Variants in CFAP299 observed in about 807,000 individuals in gnomAD.
CFAP299 encodes cilia- and flagella-associated protein 299.
A neutral mutation model predicts 27.0 loss-of-function variants in CFAP299; 21 were observed. The observed-to-expected ratio is 0.78, with a 90% CI of 0.55 to 1.12. CFAP299 has a LOEUF of 1.12. Among genes scored for constraint, CFAP299 ranks in the 50% most tolerant of loss-of-function variants. The probability of loss-of-function intolerance (pLI) is 0.00; values close to 1 mark genes in which losing one functional copy is unlikely to be tolerated. For missense variants in CFAP299, 310 were observed against 276.6 expected (o/e 1.12, Z -0.86); for synonymous variants, 104 against 98.1 (o/e 1.06, Z -0.36).
intron 2 of CFAP299, among the ~76,000 whole-genome samples, chr4:80,419,894 A>G (rs1727210438): frequency 6.6e-6 from 1 of 152,180 alleles, no homozygotes; most frequent in Non-Finnish European, 1.5e-5. Flanking sequence ...TTGCCCTCTG[A>G]AAGTTTGCTG....
chr4:80,686,863 C>T (rs572953932), intron 3 of CFAP299, among the ~76,000 whole-genome samples: 1 of 152,292 alleles, frequency 6.6e-6, no homozygotes, highest in South Asian at 2.1e-4. Context: ...CCTTCCTTTA[C>T]ACTTCCAGCT....
At chr4:80,375,381 C>T (rs1724353879) in intron 2 of CFAP299, among the ~76,000 whole-genome samples, 1 of 152,180 alleles carries the variant, frequency 6.6e-6, no homozygotes, top group South Asian at 2.1e-4. Context: ...CCTTGAATGG[C>T]ATGGCATCCC....
At chr4:80,940,964 A>G (rs906653583) in intron 4 of CFAP299, among the ~76,000 whole-genome samples, 17 of 152,188 alleles carry the variant, frequency 1.1e-4, no homozygotes, top group African/African-American at 4.1e-4. Context: ...CAGAATATAC[A>G]GTTTTCCCTT....
chr4:80,569,894 G>A (rs569405068), intron 2 of CFAP299, among the ~76,000 whole-genome samples: 3 of 151,960 alleles, frequency 2.0e-5, no homozygotes, highest in African/African-American at 7.2e-5. Context: ...TTTACAAATT[G>A]GAAATTCAAA....
In CFAP299 at chr4:80,876,816, T is replaced by A. The variant is rs377561729; in HGVS notation, c.476+6681T>A. Among the ~76,000 whole-genome samples the A allele has an allele frequency of 5.9e-5, 9 of 152,272 alleles. No homozygotes were observed. The South Asian group carries it at 1.9e-3, about 32-fold the overall frequency. On this transcript the variant is annotated intron_variant, in intron 4 of 5. Transcript: ENST00000358105. Reference sequence around the variant, plus strand: ...CCCAATCCTTCCCAGGTCATATTTTTTTTTGTCAGAAGTGTGTCTCCTGTG... The same window carrying A: ...CCCAATCCTTCCCAGGTCATATTTTATTTTGTCAGAAGTGTGTCTCCTGTG...
chr4:80,609,832 A>G (rs1038601022), intron 3 of CFAP299, among the ~76,000 whole-genome samples: 91 of 152,138 alleles, frequency 6.0e-4, no homozygotes, highest in African/African-American at 2.0e-3. Context: ...TGTGCCTACT[A>G]ATGAATTTTG....
intron 3 of CFAP299, among the ~76,000 whole-genome samples, chr4:80,659,552 A>C (rs1740728499): frequency 6.6e-6 from 1 of 152,076 alleles, no homozygotes; most frequent in African/African-American, 2.4e-5. Context: ...AATCTAATAA[A>C]TAATCAAGTA....
intron 5 of CFAP299, among the ~76,000 whole-genome samples, chr4:80,958,557 G>A (rs1738179886): frequency 6.6e-6 from 1 of 152,130 alleles, no homozygotes. Context: ...ATGGGTTACA[G>A]ATTTCTTAAG....
chr4:80,577,702 A>G (rs1422027515), intron 2 of CFAP299, among the ~76,000 whole-genome samples: 2 of 152,126 alleles, frequency 1.3e-5, no homozygotes, highest in Non-Finnish European at 2.9e-5. Flanking sequence ...CGCCCGACCT[A>G]GAAAACATCT....
intron 3 of CFAP299, among the ~76,000 whole-genome samples, chr4:80,776,684 A>G (rs190752563): frequency 6.6e-6 from 1 of 152,210 alleles, no homozygotes. Context: ...GCAAACCACC[A>G]TGGCACATGT....
intron 3 of CFAP299, among the ~76,000 whole-genome samples, chr4:80,766,575 C>A (rs547187780): frequency 3.3e-5 from 5 of 152,242 alleles, no homozygotes; most frequent in South Asian, 4.2e-4. Context: ...GAATATTATT[C>A]TTCTTTTACA....
At chr4:80,538,598 A>G (rs1733857725) in intron 2 of CFAP299, among the ~76,000 whole-genome samples, 1 of 151,844 alleles carries the variant, frequency 6.6e-6, no homozygotes, top group Admixed American at 6.6e-5. Context: ...TACCTTTTAT[A>G]AGTTTAGATA....
At chr4:80,864,004 G>A (rs1475211686) in intron 3 of CFAP299, among the ~76,000 whole-genome samples, 1 of 152,018 alleles carries the variant, frequency 6.6e-6, no homozygotes, top group African/African-American at 2.4e-5. Context: ...GTGATTGCCT[G>A]GGGCTGGGGG....
chr4:80,726,236 AC>A lies in CFAP299; in HGVS notation c.333+143055del, dbSNP rs1219331868. Among the ~76,000 whole-genome samples the A allele has an allele frequency of 2.0e-5, 3 of 152,240 alleles. No homozygotes were observed. The East Asian group carries it at 5.8e-4, about 29-fold the overall frequency. ...GAGTGTGTTCATGCTGTCATATTTG[AC>A]CAGTAGCTTAAACTTTTTCTCTATG... On this transcript the variant is annotated intron_variant, in intron 3 of 5. Coordinates refer to ENST00000358105, the MANE Select transcript of CFAP299 (RefSeq NM_152770.3).
intron 3 of CFAP299, among the ~76,000 whole-genome samples, chr4:80,596,831 T>C (rs1737084273): frequency 6.6e-6 from 1 of 152,188 alleles, no homozygotes; most frequent in Admixed American, 6.5e-5. Flanking sequence ...AAATGTTATA[T>C]AAATAGAACC....
chr4:80,725,822 T>C (rs76850235), intron 3 of CFAP299, among the ~76,000 whole-genome samples: 1,609 of 152,288 alleles, frequency 0.011, 32 homozygotes, highest in African/African-American at 0.035. Flanking sequence ...CCAGAGACTG[T>C]GCTTCAACTT....
intron 2 of CFAP299, 91 bp downstream of exon 2, chr4:80,362,975 A>G: frequency 7.2e-7 from 1 of 1,397,074 alleles, no homozygotes. Context: ...ATTTAGAAGC[A>G]CTGGGTGGAG....
At chr4:80,845,713 C>A (rs1454544162) in intron 3 of CFAP299, among the ~76,000 whole-genome samples, 1 of 152,118 alleles carries the variant, frequency 6.6e-6, no homozygotes, top group African/African-American at 2.4e-5. Context: ...TCCAATTAAT[C>A]TCAACTTTAT....
At chr4:80,635,601 C>G (rs912327140) in intron 3 of CFAP299, among the ~76,000 whole-genome samples, 4 of 152,102 alleles carry the variant, frequency 2.6e-5, no homozygotes, top group African/African-American at 9.7e-5. Context: ...GCTATGTTCT[C>G]TTTATTCTCT....
Sources: allele counts gnomAD v4.1 joint callset (sites outside exome capture counted in the v4.1 genomes callset), GRCh38; gene constraint gnomAD v4.1.1; transcripts MANE v1.5; gene names NCBI Gene and HGNC (gene_info 2026-07-23, HGNC 2026-07-21).